The following ANKRD33B variants were observed in gnomAD, a reference collection of about 807,000 sequenced individuals.
ANKRD33B encodes ankyrin repeat domain-containing protein 33B.
Under a neutral mutation model 21.5 loss-of-function variants are expected in ANKRD33B, and 6 were observed. The observed-to-expected ratio is 0.28, with a 90% CI of 0.15 to 0.55. ANKRD33B has a LOEUF of 0.55. Ranked by LOEUF, ANKRD33B falls within the 20% of genes least tolerant of loss-of-function variation. The pLI is 0.94. For synonymous variants in ANKRD33B, 347 were observed against 342.4 expected, an observed-to-expected ratio of 1.01 and a Z score of -0.15; for missense variants, 698 against 747.2, an observed-to-expected ratio of 0.93 and a Z score of 0.77.
intron 3 of ANKRD33B, among the ~76,000 whole-genome samples, chr5:10,638,467 A>T (rs571649892): frequency 3.3e-5 from 5 of 152,196 alleles, no homozygotes; most frequent in Admixed American, 2.0e-4. Context: ...TCCTGTCCAT[A>T]TCTGTTCCTC....
chr5:10,600,014 G>C (rs1735898412), intron 1 of ANKRD33B, among the ~76,000 whole-genome samples: 1 of 152,136 alleles, frequency 6.6e-6, no homozygotes, highest in South Asian at 2.1e-4. Flanking sequence ...TTTTTATATA[G>C]GTGTGTTTTA....
intron 1 of ANKRD33B, among the ~76,000 whole-genome samples, chr5:10,617,349 G>A (rs548161466): frequency 2.6e-5 from 4 of 152,252 alleles, no homozygotes; most frequent in Non-Finnish European, 2.9e-5. Flanking sequence ...CCCCACGCCC[G>A]CTCTGTCCCA....
chr5:10,585,440 C>T (rs1042649332), intron 1 of ANKRD33B, among the ~76,000 whole-genome samples: 1 of 152,198 alleles, frequency 6.6e-6, no homozygotes, highest in Non-Finnish European at 1.5e-5. Context: ...GGTCTGACTT[C>T]GAGTCTCCAC....
chr5:10,599,608 A>T (rs1171994149), intron 1 of ANKRD33B, among the ~76,000 whole-genome samples: 1 of 152,202 alleles, frequency 6.6e-6, no homozygotes, highest in East Asian at 1.9e-4. Flanking sequence ...GTATATGGGT[A>T]ATATCACTTA....
rs1260233560 is a variant in ANKRD33B, at chr5:10,657,346, G to T, written c.*7233G>T. ...AAAGATGACTTTATGACCGTTCTAAGGATTGAACAGATTCCTGCACAGGGT... is the reference window on the plus strand; with the variant it reads ...AAAGATGACTTTATGACCGTTCTAATGATTGAACAGATTCCTGCACAGGGT... On this transcript the variant is annotated 3_prime_UTR_variant, in exon 4 of 4. Transcript: ENST00000296657. 1.3e-5 allele frequency: 2 copies of T among 152,362 alleles called. No individual in the cohort carries two copies. Among genetic ancestry groups the T allele is most frequent in the African/African-American group, 2.4e-5 (1 of 41,464 alleles). The allele number at this position is 152,362 out of a possible 1,614,324, so 9.4% of individuals were successfully genotyped here.
At chr5:10,642,403 G>T (rs1737081054) in intron 3 of ANKRD33B, among the ~76,000 whole-genome samples, 1 of 152,258 alleles carries the variant, frequency 6.6e-6, no homozygotes, top group South Asian at 2.1e-4. Flanking sequence ...ACAATCCACG[G>T]ATTATTGTCT....
intron 1 of ANKRD33B, among the ~76,000 whole-genome samples, chr5:10,616,421 G>A (rs931728997): frequency 2.0e-5 from 3 of 151,948 alleles, no homozygotes; most frequent in Admixed American, 6.6e-5. Flanking sequence ...AAAATTAGCC[G>A]GGCGTGGTGG....
chr5:10,601,878 C>T (rs1426263299), intron 1 of ANKRD33B, among the ~76,000 whole-genome samples: 1 of 152,250 alleles, frequency 6.6e-6, no homozygotes, highest in Admixed American at 6.5e-5. Flanking sequence ...CAGGGGGCTG[C>T]CATTTCCCCC....
intron 1 of ANKRD33B, among the ~76,000 whole-genome samples, chr5:10,613,202 C>T (rs1736210245): frequency 6.6e-6 from 1 of 152,014 alleles, no homozygotes; most frequent in South Asian, 2.1e-4. Flanking sequence ...CACGCAGCAT[C>T]CGGCCCTCCT....
At chr5:10,645,484 G>A (rs1311832798) in intron 3 of ANKRD33B, among the ~76,000 whole-genome samples, 1 of 152,186 alleles carries the variant, frequency 6.6e-6, no homozygotes, top group African/African-American at 2.4e-5. Context: ...TGTTTGGAAT[G>A]TTTTTGGCTG....
In ANKRD33B at chr5:10,649,364, C is replaced by A. The variant is rs941979241; in HGVS notation, c.736C>A (p.Leu246Met). The A allele has an allele frequency of 1.3e-6, 2 of 1,535,410 alleles. No individual in the cohort carries two copies. The highest frequency in any genetic ancestry group is 1.7e-6 in the Non-Finnish European group (2 of 1,146,748). The change falls in exon 4 of 4, where the codon CTG (leucine) becomes ATG (methionine). Residue 246 changes from leucine to methionine, a missense_variant. Coordinates refer to ENST00000296657, the MANE Select transcript of ANKRD33B (RefSeq NM_001164440.2). ...RVDAVRLMQRLLERPCPEQFW... is the reference protein window; with the variant it reads ...RVDAVRLMQRMLERPCPEQFW... ...GGATGCCGTCCGTCTCATGCAGAGG[C>A]TGCTGGAGCGCCCCTGCCCGGAGCA...
intron 3 of ANKRD33B, among the ~76,000 whole-genome samples, chr5:10,647,304 C>T (rs1737211107): frequency 6.6e-6 from 1 of 152,052 alleles, no homozygotes; most frequent in Admixed American, 6.6e-5. Context: ...GGTGGGGTTT[C>T]ACCATGTATT....
chr5:10,590,638 T>G (rs1351527153), intron 1 of ANKRD33B, among the ~76,000 whole-genome samples: 1 of 152,010 alleles, frequency 6.6e-6, no homozygotes, highest in African/African-American at 2.4e-5. Flanking sequence ...TTTCAGCCAG[T>G]GTTAGTGTTA....
At chr5:10,584,106 G>C (rs1735503641) in intron 1 of ANKRD33B, among the ~76,000 whole-genome samples, 2 of 152,166 alleles carry the variant, frequency 1.3e-5, no homozygotes, top group Admixed American at 1.3e-4. Flanking sequence ...TTAATGAGGG[G>C]CCAGAGATGA....
At chr5:10,618,765 A>G (rs1286490870) in intron 2 of ANKRD33B, among the ~76,000 whole-genome samples, 1 of 152,200 alleles carries the variant, frequency 6.6e-6, no homozygotes, top group Non-Finnish European at 1.5e-5. Flanking sequence ...CTGCTCCCGA[A>G]GACTGGGGGT....
chr5:10,574,368 G>A (rs1735269705), intron 1 of ANKRD33B, among the ~76,000 whole-genome samples: 7 of 152,116 alleles, frequency 4.6e-5, no homozygotes, highest in Admixed American at 4.6e-4. Flanking sequence ...AAAAAATGGT[G>A]TCATAAACAC....
intron 1 of ANKRD33B, among the ~76,000 whole-genome samples, chr5:10,568,821 A>T (rs1311865757): frequency 1.3e-5 from 2 of 152,068 alleles, no homozygotes; most frequent in African/African-American, 4.8e-5. Context: ...GGTGTGAGGC[A>T]CCGCGCCTGC....
intron 1 of ANKRD33B, among the ~76,000 whole-genome samples, chr5:10,571,776 T>C (rs139521271): frequency 6.6e-6 from 1 of 152,370 alleles, no homozygotes; most frequent in African/African-American, 2.4e-5. Context: ...GGTTCCCAGC[T>C]TGGACTGTAC....
chr5:10,573,433 A>C (rs1735244759), intron 1 of ANKRD33B, among the ~76,000 whole-genome samples: 3 of 147,116 alleles, frequency 2.0e-5, no homozygotes, highest in Non-Finnish European at 1.5e-5. Context: ...ACGCCACTGC[A>C]CTCCAGCCTG....
Sources: allele counts gnomAD v4.1 joint callset (sites outside exome capture counted in the v4.1 genomes callset), GRCh38; gene constraint gnomAD v4.1.1; transcripts MANE v1.5; gene names NCBI Gene and HGNC (gene_info 2026-07-23, HGNC 2026-07-21).